Variants in ELFN1 observed in about 807,000 individuals in gnomAD.
ELFN1 encodes extracellular leucine rich repeat and fibronectin type III domain containing 1.
Under a neutral mutation model 7.6 loss-of-function variants are expected in ELFN1, and 6 were observed. That is an observed-to-expected ratio of 0.79 (90% CI 0.43 to 1.56). ELFN1 has a LOEUF of 1.56. Among genes scored for constraint, ELFN1 ranks in the 40% most tolerant of loss-of-function variants. ELFN1 has a pLI of 0.01. For missense variants in ELFN1, 1,169 were observed against 1,232.2 expected, an observed-to-expected ratio of 0.95 and a Z score of 0.77; for synonymous variants, 657 against 588.1, an observed-to-expected ratio of 1.12 and a Z score of -1.70.
At chr7:1,675,981 G>T (rs1778862824) in intron 1 of ELFN1, among the ~76,000 whole-genome samples, 1 of 152,140 alleles carries the variant, frequency 6.6e-6, no homozygotes, top group Admixed American at 6.5e-5. Flanking sequence ...TGGACTCTGG[G>T]CTGTGCTGTG....
At position 1,747,504 on chromosome 7, in the gene ELFN1, A is replaced by T. The variant is rs1409669414; in HGVS notation, c.*421A>T. On this transcript the variant is annotated 3_prime_UTR_variant, in exon 4 of 4. Transcript: ENST00000424383. ...AAAAGACAAGTTATTTTAAAAAGAC[A>T]TAAAATGCCATCCGTGGGGGGTGTG... 6.0e-6 allele frequency: 1 copy of T among 165,934 alleles called. No individual in the cohort carries two copies. The highest frequency in any genetic ancestry group is 1.5e-5 in the Non-Finnish European group (1 of 68,586). The allele number at this position is 165,934 out of a possible 1,614,324, so 10.3% of individuals were successfully genotyped here.
At chr7:1,675,093 C>T (rs911755291) in intron 1 of ELFN1, among the ~76,000 whole-genome samples, 7 of 63,506 alleles carry the variant, frequency 1.1e-4, no homozygotes, top group African/African-American at 1.0e-3. Context: ...GACCCGGCAG[C>T]CCACGGCGTG....
chr7:1,679,339 C>T (rs1038364322), intron 1 of ELFN1, among the ~76,000 whole-genome samples: 7 of 152,132 alleles, frequency 4.6e-5, no homozygotes, highest in African/African-American at 1.4e-4. Context: ...CACGGCTGCA[C>T]ATCCCCCTCC....
At chr7:1,734,530 C>G (rs1583390678) in intron 3 of ELFN1, among the ~76,000 whole-genome samples, 1 of 152,240 alleles carries the variant, frequency 6.6e-6, no homozygotes, top group Admixed American at 6.5e-5. Flanking sequence ...AGCCCCAGCC[C>G]TGAGCCCTCC....
At chr7:1,733,301 G>T (rs964474771) in intron 3 of ELFN1, among the ~76,000 whole-genome samples, 3 of 152,218 alleles carry the variant, frequency 2.0e-5, no homozygotes, top group Non-Finnish European at 4.4e-5. Context: ...TGGCCTTGGG[G>T]AGTGGAAATG....
intron 3 of ELFN1, among the ~76,000 whole-genome samples, chr7:1,726,317 C>A (rs1780195608): frequency 6.6e-6 from 1 of 152,224 alleles, no homozygotes; most frequent in South Asian, 2.1e-4. Flanking sequence ...CTGCACCGTG[C>A]CTCTCCAAAC....
rs866880788 is a variant in ELFN1, at chr7:1,745,524, G to C, written c.928G>C (p.Ala310Pro). 6.5e-7 allele frequency: 1 copy of C among 1,546,756 alleles called. No individual in the cohort carries two copies. The highest frequency in any genetic ancestry group is 1.2e-5 in the South Asian group (1 of 84,062). ...TTPLVALPTL[A>P]TQAEARPLIK... ...GCCACTGGTGGCCCTGCCCACGCTGGCCACGCAGGCCGAGGCCCGCCCCCT... is the reference window on the plus strand; with the variant it reads ...GCCACTGGTGGCCCTGCCCACGCTGCCCACGCAGGCCGAGGCCCGCCCCCT... The change falls in exon 4 of 4, where the codon GCC becomes CCC. Residue 310 changes from alanine (A) to proline (P), a missense_variant. Around this residue, in one of 2 missense-constraint regions of ELFN1, gnomAD observed 914 missense variants for 872.6 expected, o/e 1.05. Coordinates refer to ENST00000424383, the MANE Select transcript of ELFN1 (RefSeq NM_001128636.4).
intron 3 of ELFN1, among the ~76,000 whole-genome samples, chr7:1,716,507 G>A (rs973542789): frequency 2.8e-4 from 43 of 152,348 alleles, no homozygotes; most frequent in African/African-American, 7.9e-4. Flanking sequence ...GTGTGCGTGC[G>A]TGTTTGTGTG....
rs1562395034 is a variant in ELFN1 at position 1,747,779 on chromosome 7, C to G, written c.*696C>G. The G allele has an allele frequency of 6.0e-6, 1 of 165,916 alleles. No homozygotes were observed. The highest frequency in any genetic ancestry group is 1.5e-5 in the Non-Finnish European group (1 of 68,048). 10.3% of individuals were successfully genotyped at this position (165,916 alleles called of 1,614,324 possible). A position where few individuals can be genotyped will look rare whatever the true frequency, so the allele number is the denominator to read the frequency against. On this transcript the variant is annotated 3_prime_UTR_variant, in exon 4 of 4. Transcript: ENST00000424383. ...AAGGGCTGGGAGGCACGTCCCCCAG[C>G]CCAGCCCCCATGTACACTGTAGTCG...
At chr7:1,723,372 G>A (rs935000660) in intron 3 of ELFN1, among the ~76,000 whole-genome samples, 4 of 152,176 alleles carry the variant, frequency 2.6e-5, no homozygotes, top group South Asian at 2.1e-4. Context: ...TATGTAATAC[G>A]CTTTTGCAGG....
chr7:1,709,525 G>C (rs1448178404), intron 3 of ELFN1, among the ~76,000 whole-genome samples: 1 of 152,258 alleles, frequency 6.6e-6, no homozygotes, highest in East Asian at 1.9e-4. Context: ...CTAAGTAGGT[G>C]GTGGCCATAC....
At position 1,673,089 on chromosome 7, in the gene ELFN1, C is replaced by CT. The variant is rs1285227323; in HGVS notation, c.-549+2735_-549+2736insT. 1.1e-4 allele frequency among the ~76,000 whole-genome samples: 10 copies of CT among 92,984 alleles called. No individual in the cohort carries two copies. The highest frequency in any genetic ancestry group is 7.5e-4 in the African/African-American group (8 of 10,622). 61.0% of individuals were successfully genotyped at this position (92,984 alleles called of 152,430 possible). ...TACATTTGTCATCTCTCCAGCGCCC[C>CT]CCCCCGCTCTTTCCTTTTTGTTTTT... On this transcript the variant is annotated intron_variant, in intron 1 of 3. Transcript: ENST00000424383. This position sits in a 1 kb window ranked among gnomAD's most constrained non-coding sequence, Gnocchi z 4.7.
At chr7:1,682,465 G>T (rs1167951055) in intron 1 of ELFN1, among the ~76,000 whole-genome samples, 1 of 151,946 alleles carries the variant, frequency 6.6e-6, no homozygotes, top group Non-Finnish European at 1.5e-5. Flanking sequence ...TTCAGAGACA[G>T]GGTCTTACTC....
At chr7:1,707,391 T>C (rs1779557113) in intron 2 of ELFN1, among the ~76,000 whole-genome samples, 1 of 152,228 alleles carries the variant, frequency 6.6e-6, no homozygotes, top group African/African-American at 2.4e-5. Flanking sequence ...TCCACAAGCA[T>C]GCGTTCCTGC....
rs34132549 is a variant in ELFN1 at position 1,695,747 on chromosome 7, C to CAAAAAAA, written c.-456+7616_-456+7622dup. 1.7e-5 allele frequency among the ~76,000 whole-genome samples: 1 copy of CAAAAAAA among 59,206 alleles called. No homozygotes were observed. Among genetic ancestry groups the CAAAAAAA allele is most frequent in the Non-Finnish European group, 3.1e-5 (1 of 32,050 alleles). 38.8% of individuals were successfully genotyped at this position (59,206 alleles called of 152,430 possible). A position where few individuals can be genotyped will look rare whatever the true frequency, so the allele number is the denominator to read the frequency against. ...TGGGTGACAGAGCGAGACTCCGTGT[C>CAAAAAAA]AAAAAAAAAAAAAAAAAAAAAAAAA... On this transcript the variant is annotated intron_variant, in intron 2 of 3. Transcript: ENST00000424383. The surrounding 1 kb of genome is among the most constrained non-coding windows in gnomAD (Gnocchi z 5.1).
chr7:1,723,040 C>G (rs2128594287), intron 3 of ELFN1, among the ~76,000 whole-genome samples: 1 of 152,126 alleles, frequency 6.6e-6, no homozygotes, highest in African/African-American at 2.4e-5. Context: ...ACTAAAAATA[C>G]AAAATTAGCC....
At chr7:1,730,746 T>G (rs1322402107) in intron 3 of ELFN1, among the ~76,000 whole-genome samples, 2 of 152,208 alleles carry the variant, frequency 1.3e-5, no homozygotes, top group Non-Finnish European at 2.9e-5. Context: ...TTTTTAATGA[T>G]TCCCATTCAG....
At chr7:1,741,129 CAAAAAAA>C (rs34300810) in intron 3 of ELFN1, among the ~76,000 whole-genome samples, 3 of 116,854 alleles carry the variant, frequency 2.6e-5, no homozygotes, top group South Asian at 6.0e-4. Context: ...GACTCTGTCT[CAAAAAAA>C]AAAAAAAAAA....
rs996129980 is a variant in ELFN1 at position 1,670,609 on chromosome 7, C to G, written c.-549+255C>G. Among the ~76,000 whole-genome samples, 3 of 152,104 alleles carry G rather than the reference C, an allele frequency of 2.0e-5. No individual in the cohort carries two copies. The highest frequency in any genetic ancestry group is 4.4e-5 in the Non-Finnish European group (3 of 67,990). ...AAAGCCCGGGGGCCCGGGTCGGGGT[C>G]GCTGCCGCAGCCCGCACGCTGCCCC... On this transcript the variant is annotated intron_variant, in intron 1 of 3. Coordinates refer to ENST00000424383, the MANE Select transcript of ELFN1 (RefSeq NM_001128636.4). The surrounding 1 kb of genome is among the most constrained non-coding windows in gnomAD (Gnocchi z 6.4).
Sources: allele counts gnomAD v4.1 joint callset (sites outside exome capture counted in the v4.1 genomes callset), GRCh38; gene constraint gnomAD v4.1.1; regional missense constraint gnomAD v4.1.1; non-coding constraint Gnocchi (gnomAD v3.1); transcripts MANE v1.5; gene names NCBI Gene and HGNC (gene_info 2026-07-23, HGNC 2026-07-21).